Variants in LINC00632 observed in about 807,000 individuals in gnomAD.
The protein encoded by LINC00632 is long independently transcribed non-coding RNA 632.
At chrX:140,752,341 T>A (rs1931422709) in intron 3 of LINC00632, among the ~76,000 whole-genome samples, 1 of 111,774 alleles carries the variant, frequency 8.9e-6, no homozygotes, top group Admixed American at 9.5e-5. Context: ...GAAGGGCCTG[T>A]CTGTCTCTAA....
At chrX:140,752,125 T>C (rs1037047371) in intron 3 of LINC00632, among the ~76,000 whole-genome samples, 2 of 111,794 alleles carry the variant, frequency 1.8e-5, no homozygotes, top group Admixed American at 9.6e-5. Context: ...TTTTCCTCAA[T>C]TGGGCTGTTT....
At chrX:140,756,534 G>A (rs1344349105) in intron 3 of LINC00632, among the ~76,000 whole-genome samples, 2 of 111,551 alleles carry the variant, frequency 1.8e-5, no homozygotes, top group Non-Finnish European at 3.8e-5. Context: ...AGTGTATCGG[G>A]ACGGAGTGAG....
At chrX:140,743,216 C>T (rs1250684533) in intron 3 of LINC00632, among the ~76,000 whole-genome samples, 4 of 54,463 alleles carry the variant, frequency 7.3e-5, no homozygotes, top group African/African-American at 2.2e-4. Context: ...CAGAGCAAAA[C>T]GCTGTCTCAA....
chrX:140,721,044 A>G (rs113140886), intron 2 of LINC00632, among the ~76,000 whole-genome samples: 3,122 of 111,248 alleles, frequency 0.028, 103 homozygotes, highest in African/African-American at 0.096. Context: ...TTACGTTGCA[A>G]TAGCCAGACT....
At chrX:140,771,511 T>C (rs778196559) in intron 3 of LINC00632, among the ~76,000 whole-genome samples, 1 of 105,955 alleles carries the variant, frequency 9.4e-6, no homozygotes, top group East Asian at 3.0e-4. Context: ...GTCACAAATG[T>C]TGATTATGTG....
At chrX:140,790,096 G>T (rs1932084963) in exon 5 of LINC00632, among the ~76,000 whole-genome samples, 1 of 110,909 alleles carries the variant, frequency 9.0e-6, no homozygotes, top group Non-Finnish European at 1.9e-5. Context: ...GTCCACACTG[G>T]TCTTGAACTC....
At chrX:140,714,156 G>A (rs1001723828) in intron 2 of LINC00632, 10 of 170,990 alleles carry the variant, frequency 5.8e-5, no homozygotes, top group Non-Finnish European at 3.3e-5. Context: ...AGACTTTCCC[G>A]AGAATAGACT....
rs1007713031 is a variant in LINC00632, at chrX:140,765,091, T to A, written n.192-6987T>A. ...AAGAAGCTAGATAAGAAATATTAAATAAGGGCAAGCTCAGACCTTGCACTT... is the reference window on the plus strand; with the variant it reads ...AAGAAGCTAGATAAGAAATATTAAAAAAGGGCAAGCTCAGACCTTGCACTT... On this transcript the variant is annotated intron_variant and non_coding_transcript_variant, in intron 3 of 4. Coordinates refer to ENST00000648200, the Ensembl canonical transcript of LINC00632. 3.6e-5 allele frequency among the ~76,000 whole-genome samples: 4 copies of A among 111,907 alleles called. No individual in the cohort carries two copies. The Admixed American group carries it at 3.8e-4, about 11-fold the overall frequency.
At chrX:140,730,977 C>CT (rs1931046727) in intron 2 of LINC00632, among the ~76,000 whole-genome samples, 1 of 110,240 alleles carries the variant, frequency 9.1e-6, no homozygotes, top group Non-Finnish European at 1.9e-5. Flanking sequence ...TCTCGGCTCA[C>CT]TGTAACCTCC....
chrX:140,760,407 G>A (rs1018101448), intron 3 of LINC00632, among the ~76,000 whole-genome samples: 1 of 111,914 alleles, frequency 8.9e-6, no homozygotes, highest in African/African-American at 3.2e-5. Flanking sequence ...GATCAGATTG[G>A]AGGTGAGCTT....
chrX:140,782,128 T>C (rs1931942677), exon 5 of LINC00632, among the ~76,000 whole-genome samples: 1 of 112,244 alleles, frequency 8.9e-6, no homozygotes, highest in African/African-American at 3.2e-5. Context: ...TTTCCTTGTG[T>C]TTTGCTTTTT....
intron 3 of LINC00632, among the ~76,000 whole-genome samples, chrX:140,754,841 G>GTT (rs11401571): frequency 7.9e-4 from 83 of 104,903 alleles, no homozygotes; most frequent in Non-Finnish European, 1.3e-3. Flanking sequence ...AGCATAGGCT[G>GTT]TTTTTTTTTT....
At chrX:140,762,209 A>AGAGAGAGAGAGAG (rs1931603413) in intron 3 of LINC00632, among the ~76,000 whole-genome samples, 1 of 67,121 alleles carries the variant, frequency 1.5e-5, no homozygotes, top group African/African-American at 5.2e-5. Flanking sequence ...GTTTTTCGAA[A>AGAGAGAGAGAGAG]AGAGAGAGAG....
chrX:140,715,350 T>C (rs1930604535), intron 2 of LINC00632, among the ~76,000 whole-genome samples: 1 of 111,733 alleles, frequency 8.9e-6, no homozygotes, highest in South Asian at 3.7e-4. Flanking sequence ...ATCCCAGCAC[T>C]TTGGGAGTCC....
chrX:140,770,859 C>T (rs1009411180), intron 3 of LINC00632, among the ~76,000 whole-genome samples: 14 of 111,862 alleles, frequency 1.3e-4, no homozygotes, highest in Non-Finnish European at 2.4e-4. Flanking sequence ...GATTGGTAGA[C>T]GAACAAAACT....
rs746552693 is a variant in LINC00632 at position 140,783,643 on chromosome X, T to C, written n.11662T>C. 24 of 1,209,729 alleles carry C rather than the reference T, an allele frequency of 2.0e-5. No individual in the cohort carries two copies. The highest frequency in any genetic ancestry group is 2.7e-5 in the Non-Finnish European group (24 of 895,083). Reference sequence around the variant, plus strand: ...CAGGTCTTCCAGTCAATCAGTGTCTTCCAGAAAGAAATCCAGGTCTTCCAG... The same window carrying C: ...CAGGTCTTCCAGTCAATCAGTGTCTCCCAGAAAGAAATCCAGGTCTTCCAG... On this transcript the variant is annotated non_coding_transcript_exon_variant, in exon 5 of 5. Coordinates refer to ENST00000648200, the Ensembl canonical transcript of LINC00632.
chrX:140,760,642 G>A (rs1044890349), intron 3 of LINC00632, among the ~76,000 whole-genome samples: 6 of 111,476 alleles, frequency 5.4e-5, no homozygotes. Context: ...ATGGTGGCAT[G>A]CGCCTGTAAT....
intron 2 of LINC00632, among the ~76,000 whole-genome samples, chrX:140,726,268 A>G (rs1729864052): frequency 9.0e-6 from 1 of 111,458 alleles, no homozygotes; most frequent in South Asian, 3.8e-4. Flanking sequence ...TCCATGCCCC[A>G]CAACGCACGC....
At chrX:140,754,082 T>A (rs1300715401) in intron 3 of LINC00632, among the ~76,000 whole-genome samples, 1 of 111,951 alleles carries the variant, frequency 8.9e-6, no homozygotes, top group Non-Finnish European at 1.9e-5. Context: ...CTAGCTCCTA[T>A]ATTTCTATTG....
Sources: allele counts gnomAD v4.1 joint callset (sites outside exome capture counted in the v4.1 genomes callset), GRCh38; gene constraint gnomAD v4.1.1; transcripts MANE v1.5; gene names NCBI Gene and HGNC (gene_info 2026-07-23, HGNC 2026-07-21).